Variants in PCED1B observed in about 807,000 individuals in gnomAD.
PCED1B encodes the protein PC-esterase domain-containing protein 1B.
For synonymous variants in PCED1B, 251 were observed against 246.1 expected, an observed-to-expected ratio of 1.02 and a Z score of -0.19; for missense variants, 573 against 573.9, an observed-to-expected ratio of 1.00 and a Z score of 0.02.
chr12:47,197,871 A>G (rs551546101), intron 2 of PCED1B, among the ~76,000 whole-genome samples: 7 of 152,276 alleles, frequency 4.6e-5, no homozygotes, highest in African/African-American at 1.4e-4. Flanking sequence ...GAATTAGCCA[A>G]TATATATTAA....
intron 2 of PCED1B, among the ~76,000 whole-genome samples, chr12:47,198,614 G>A (rs111542417): frequency 1.3e-5 from 2 of 151,894 alleles, no homozygotes; most frequent in East Asian, 1.9e-4. Flanking sequence ...CAAGGTAAAC[G>A]GATTGAGAAG....
chr12:47,138,900 G>T (rs1940487236), intron 2 of PCED1B, among the ~76,000 whole-genome samples: 1 of 152,262 alleles, frequency 6.6e-6, no homozygotes, highest in African/African-American at 2.4e-5. Context: ...GTATGTCCTT[G>T]TGCCTTTGGG....
intron 2 of PCED1B, among the ~76,000 whole-genome samples, chr12:47,215,516 A>G (rs1252456921): frequency 3.9e-5 from 6 of 151,964 alleles, no homozygotes; most frequent in Admixed American, 3.9e-4. Flanking sequence ...GGCCTCCCAA[A>G]GTGCTGGGAT....
chr12:47,138,636 G>A (rs1045291060), intron 2 of PCED1B, among the ~76,000 whole-genome samples: 1 of 152,114 alleles, frequency 6.6e-6, no homozygotes, highest in Non-Finnish European at 1.5e-5. Context: ...GTGCCTCATT[G>A]TGTACAATGC....
At chr12:47,187,154 T>A (rs1005558367) in intron 2 of PCED1B, among the ~76,000 whole-genome samples, 1 of 152,162 alleles carries the variant, frequency 6.6e-6, no homozygotes, top group Admixed American at 6.5e-5. Flanking sequence ...GAGATTCATC[T>A]CAAAACAGAT....
chr12:47,106,767 TTC>T (rs2137242888), intron 2 of PCED1B, among the ~76,000 whole-genome samples: 1 of 152,308 alleles, frequency 6.6e-6, no homozygotes, highest in East Asian at 1.9e-4. Context: ...TTAGAGCATG[TTC>T]TTTTTCTTTT....
intron 2 of PCED1B, among the ~76,000 whole-genome samples, chr12:47,150,856 T>C (rs1940966463): frequency 1.3e-5 from 2 of 152,112 alleles, no homozygotes; most frequent in Non-Finnish European, 2.9e-5. Flanking sequence ...GCTTAGGCCA[T>C]GTGGAAAGGA....
Position 47,108,678 on chromosome 12 carries a change from G to C in PCED1B, c.-526+4483G>C, listed in dbSNP as rs1483981581. 5.3e-5 allele frequency among the ~76,000 whole-genome samples: 8 copies of C among 152,090 alleles called. No individual in the cohort carries two copies. The East Asian group carries it at 1.5e-3, about 29-fold the overall frequency. On this transcript the variant is annotated intron_variant, in intron 2 of 3. Coordinates refer to ENST00000546455, the MANE Select transcript of PCED1B (RefSeq NM_138371.3). The stretch of plus-strand genomic sequence containing the variant: ...TTACAACAGAATGGCATCATCTTTA[G>C]AATCAGTCCAAGGCCAGCTTTCATT...
intron 3 of PCED1B, among the ~76,000 whole-genome samples, chr12:47,231,473 C>T (rs1943806071): frequency 6.6e-6 from 1 of 152,072 alleles, no homozygotes; most frequent in African/African-American, 2.4e-5. Flanking sequence ...TGCAGCATCA[C>T]TTCTTAAGTC....
chr12:47,108,153 A>T (rs372100731), intron 2 of PCED1B, among the ~76,000 whole-genome samples: 4 of 152,176 alleles, frequency 2.6e-5, no homozygotes, highest in African/African-American at 9.7e-5. Context: ...GAGGATTTCC[A>T]GATAGACACA....
intron 3 of PCED1B, among the ~76,000 whole-genome samples, chr12:47,217,462 GA>G (rs1337394650): frequency 2.8e-5 from 2 of 70,482 alleles, no homozygotes; most frequent in Admixed American, 2.8e-4. Context: ...GAAAGAAAAA[GA>G]AAGAAAGAGA....
intron 2 of PCED1B, among the ~76,000 whole-genome samples, chr12:47,202,300 A>G (rs1225136635): frequency 2.0e-5 from 3 of 152,232 alleles, no homozygotes; most frequent in African/African-American, 7.2e-5. Flanking sequence ...AAATTATGTC[A>G]AAATTTGCCC....
intron 2 of PCED1B, among the ~76,000 whole-genome samples, chr12:47,193,644 CTGAGTAGCTTCAATCA>C (rs1942515254): frequency 6.6e-6 from 1 of 152,214 alleles, no homozygotes; most frequent in Admixed American, 6.5e-5. Flanking sequence ...CCACTCAGCC[CTGAGTAGCTTCAATCA>C]TGGTTCTCTA....
intron 1 of PCED1B, among the ~76,000 whole-genome samples, chr12:47,088,760 C>T (rs1938109793): frequency 6.6e-6 from 1 of 152,130 alleles, no homozygotes; most frequent in African/African-American, 2.4e-5. Context: ...TGAGTCTGCT[C>T]ACAGGCGTTT....
Position 47,236,480 on chromosome 12 carries a change from C to T in PCED1B, c.*118C>T. The T allele has an allele frequency of 9.5e-7, 1 of 1,057,106 alleles. No individual in the cohort carries two copies. Among genetic ancestry groups the T allele is most frequent in the Non-Finnish European group, 1.3e-6 (1 of 754,510 alleles). 65.5% of individuals were successfully genotyped at this position (1,057,106 alleles called of 1,614,324 possible). A position where few individuals can be genotyped will look rare whatever the true frequency, so the allele number is the denominator to read the frequency against. On this transcript the variant is annotated 3_prime_UTR_variant, in exon 4 of 4. Transcript: ENST00000546455. ...TAACTTAAGCCTGGAGTCCATGCCT[C>T]GTCTTCCTTTTGTTCATTGCTGTTA...
intron 3 of PCED1B, among the ~76,000 whole-genome samples, chr12:47,233,132 C>T (rs994457365): frequency 6.6e-6 from 1 of 152,108 alleles, no homozygotes; most frequent in Admixed American, 6.5e-5. Context: ...TCTCGAACTC[C>T]TGAGCTCAAG....
chr12:47,163,348 A>G (rs1941448591), intron 2 of PCED1B, among the ~76,000 whole-genome samples: 1 of 152,224 alleles, frequency 6.6e-6, no homozygotes, highest in South Asian at 2.1e-4. Context: ...AGATTATATC[A>G]TCTGTGAACA....
At chr12:47,219,488 T>C (rs1234852131) in intron 3 of PCED1B, among the ~76,000 whole-genome samples, 1 of 152,224 alleles carries the variant, frequency 6.6e-6, no homozygotes, top group East Asian at 1.9e-4. Context: ...CTCGTCATTA[T>C]TAGCTCTCCA....
At chr12:47,088,292 CAAT>C (rs796310716) in intron 1 of PCED1B, among the ~76,000 whole-genome samples, 2 of 152,268 alleles carry the variant, frequency 1.3e-5, no homozygotes, top group African/African-American at 4.8e-5. Flanking sequence ...TGTCTCAACA[CAAT>C]GATGTTTGTA....
Sources: allele counts gnomAD v4.1 joint callset (sites outside exome capture counted in the v4.1 genomes callset), GRCh38; gene constraint gnomAD v4.1.1; transcripts MANE v1.5; gene names NCBI Gene and HGNC (gene_info 2026-07-23, HGNC 2026-07-21).